Variants in ADAMTS4 observed in about 807,000 individuals in gnomAD.
ADAMTS4 encodes the protein ADAM metallopeptidase with thrombospondin type 1 motif 4, also known as A disintegrin and metalloproteinase with thrombospondin motifs 4.
A neutral mutation model predicts 66.7 loss-of-function variants in ADAMTS4; 38 were observed. That is an observed-to-expected ratio of 0.57 (90% CI 0.44 to 0.75). ADAMTS4 has a LOEUF of 0.75. Among genes scored for constraint, ADAMTS4 ranks in the 30% least tolerant of loss-of-function variants. ADAMTS4 has a pLI of 0.00. For synonymous variants in ADAMTS4, 418 were observed against 461.5 expected, an observed-to-expected ratio of 0.91 and a Z score of 1.21; for missense variants, 1,014 against 1,116.7, an observed-to-expected ratio of 0.91 and a Z score of 1.31.
In ADAMTS4 at chr1:161,193,354, G is replaced by T. The variant is rs143700956; in HGVS notation, c.1770C>A (p.Tyr590Ter). 6.2e-7 allele frequency: 1 copy of T among 1,614,006 alleles called. No individual in the cohort carries two copies. Among genetic ancestry groups the T allele is most frequent in the African/African-American group, 1.3e-5 (1 of 75,032 alleles). The change falls in exon 7 of 9, where the codon TAC becomes TAA. Residue 590 changes from tyrosine (Y) to a stop codon, truncating the protein, a stop_gained. Coordinates refer to ENST00000367996, the MANE Select transcript of ADAMTS4 (RefSeq NM_005099.6). LOFTEE classifies it high-confidence loss of function. The surrounding 1 kb of genome is among the most constrained non-coding windows in gnomAD (Gnocchi z 4.4). ...LTFREEQCAA[Y>*]NHRTDLFKSF... ...TCTTGAAGAGGTCGGTGCGGTGGTTGTAGGCAGCACACTGCTCCTCGCGGA... is the reference window on the plus strand; with the variant it reads ...TCTTGAAGAGGTCGGTGCGGTGGTTTTAGGCAGCACACTGCTCCTCGCGGA...
intron 1 of ADAMTS4, 134 bp from the exon 2 acceptor site, chr1:161,197,014 C>T: frequency 1.2e-6 from 1 of 846,666 alleles, no homozygotes; most frequent in Non-Finnish European, 1.8e-6. Context: ...CACGGGATTC[C>T]TGACTCCTGG....
chr1:161,199,004 CTCTG>C lies in ADAMTS4; in HGVS notation c.-381_-378del, dbSNP rs1665000045. The C allele has an allele frequency of 5.0e-6, 1 of 200,752 alleles. No homozygotes were observed. The highest frequency in any genetic ancestry group is 2.3e-5 in the African/African-American group (1 of 43,048). 12.4% of individuals were successfully genotyped at this position (200,752 alleles called of 1,614,324 possible). On this transcript the variant is annotated 5_prime_UTR_variant, in exon 1 of 9. It removes the in-frame stop codon of an upstream open reading frame in the 5' UTR. Coordinates refer to ENST00000367996, the MANE Select transcript of ADAMTS4 (RefSeq NM_005099.6). ...TGCCTTTGTCTCTGTCTCTTTCCTC[CTCTG>C]TCTCTCTCGTGCATATGTGTCTGTG...
At position 161,194,254 on chromosome 1, in the gene ADAMTS4, C is replaced by G. The variant is rs752608300; in HGVS notation, c.1262-33G>C. The stretch of plus-strand genomic sequence containing the variant: ...GGGGGTTGGGGCACAAAGTCAGCAA[C>G]GGGCTGAGGGGAGCATTCAGGATTG... On this transcript the variant is annotated intron_variant, in intron 4 of 8. Coordinates refer to ENST00000367996, the MANE Select transcript of ADAMTS4 (RefSeq NM_005099.6). The surrounding 1 kb of genome is among the most constrained non-coding windows in gnomAD (Gnocchi z 4.1). 5 of 1,594,386 alleles carry G rather than the reference C, an allele frequency of 3.1e-6. No homozygotes were observed. In the African/African-American group the frequency reaches 5.4e-5, roughly 17 times the overall value.
rs1558071757 is a variant in ADAMTS4 at position 161,188,910 on chromosome 1, T to TATATATATA, written c.*2227_*2228insTATATATAT. The TATATATATA allele has an allele frequency of 1.8e-5, 1 of 54,856 alleles. No individual in the cohort carries two copies. Among genetic ancestry groups the TATATATATA allele is most frequent in the African/African-American group, 6.5e-5 (1 of 15,336 alleles). The allele number at this position is 54,856 out of a possible 1,614,324, so 3.4% of individuals were successfully genotyped here. On this transcript the variant is annotated 3_prime_UTR_variant, in exon 9 of 9. Transcript: ENST00000367996. ...TATATATATATATATATATATATAT[T>TATATATATA]TTGTATTTTTAGTAGACACGGGGTT...
intron 7 of ADAMTS4, 54 bp from the exon 8 acceptor site, chr1:161,192,294 T>G: frequency 5.6e-4 from 875 of 1,561,258 alleles, no homozygotes; most frequent in Non-Finnish European, 7.1e-4. Flanking sequence ...CAAAAGGGGT[T>G]GGTAAATCAA....
chr1:161,193,389 C>T lies in ADAMTS4; in HGVS notation c.1736-1G>A. 1 of 1,612,842 alleles carries T rather than the reference C, an allele frequency of 6.2e-7. No individual in the cohort carries two copies. Among genetic ancestry groups the T allele is most frequent in the South Asian group, 1.1e-5 (1 of 91,048 alleles). On this transcript the variant is annotated splice_acceptor_variant, in intron 6 of 8. Transcript: ENST00000367996. LOFTEE classifies it high-confidence loss of function. The surrounding 1 kb of genome is among the most constrained non-coding windows in gnomAD (Gnocchi z 4.4). ...CACTGCTCCTCGCGGAAGGTCAGGG[C>T]TGGAGGGGTAAAACAGTCAGAGCCC...
Position 161,198,376 on chromosome 1 carries a change from G to A in ADAMTS4, c.252C>T (p.Arg84=). Residue 84 remains arginine, a synonymous_variant, in exon 1 of 9, where the codon CGC becomes CGT. Transcript: ENST00000367996. This position sits in a 1 kb window ranked among gnomAD's most constrained non-coding sequence, Gnocchi z 4.7. ...GSGAPARLLC[R]LQAFGETLLL... Reference sequence around the variant, plus strand: ...GCAGCGTCTCCCCAAAGGCCTGCAAGCGGCACAACAGCCTGGCAGGGGCGC... The same window carrying A: ...GCAGCGTCTCCCCAAAGGCCTGCAAACGGCACAACAGCCTGGCAGGGGCGC... 1 of 1,612,816 alleles carries A rather than the reference G, an allele frequency of 6.2e-7. No individual in the cohort carries two copies. The highest frequency in any genetic ancestry group is 8.5e-7 in the Non-Finnish European group (1 of 1,179,726).
chr1:161,192,079 GGAGCCTGAC>G lies in ADAMTS4; in HGVS notation c.2064_2072del (p.Gln688_Ser691delinsHis). 1 of 1,613,974 alleles carries G rather than the reference GGAGCCTGAC, an allele frequency of 6.2e-7. No homozygotes were observed. The highest frequency in any genetic ancestry group is 8.5e-7 in the Non-Finnish European group (1 of 1,179,982). On this transcript the variant is annotated inframe_deletion, in exon 8 of 9. Transcript: ENST00000367996. ...GGTGAAAGAACCTGAATTTCCTGAA[GGAGCCTGAC>G]TGCTTGCTGCAACCAGAACCGTCCC...
At chr1:161,196,060 C>T in intron 3 of ADAMTS4, 111 bp downstream of exon 3, 1 of 1,357,402 alleles carries the variant, frequency 7.4e-7, no homozygotes. Context: ...AGCCCTATAC[C>T]TAGGCCTGGG....
At position 161,191,576 on chromosome 1, in the gene ADAMTS4, G is replaced by C. The variant is rs1312610977; in HGVS notation, c.2088-12C>G. The C allele has an allele frequency of 1.3e-6, 2 of 1,593,576 alleles. No homozygotes were observed. The highest frequency in any genetic ancestry group is 2.7e-5 in the African/African-American group (2 of 74,688). ...TGTTGTATCCGTACCTGTGTGGAAG[G>C]AGTAGATGGGGAGCTCAGGATCACC... On this transcript the variant is annotated splice_polypyrimidine_tract_variant and intron_variant, in intron 8 of 8. Transcript: ENST00000367996.
chr1:161,195,913 C>G, intron 3 of ADAMTS4: 2 of 550,008 alleles, frequency 3.6e-6, no homozygotes, highest in Non-Finnish European at 6.2e-6. Context: ...CTCTGACTCC[C>G]CCTCCAAATA....
At chr1:161,192,289 G>T (rs1398421550) in intron 7 of ADAMTS4, 49 bp from the exon 8 acceptor site, 1 of 1,574,124 alleles carries the variant, frequency 6.4e-7, no homozygotes, top group East Asian at 2.3e-5. Flanking sequence ...TAAGTCAAAA[G>T]GGGTTGGTAA....
Position 161,190,590 on chromosome 1 carries a change from C to T in ADAMTS4, c.*548G>A, listed in dbSNP as rs1664643319. 1 of 151,342 alleles carries T rather than the reference C, an allele frequency of 6.6e-6. No homozygotes were observed. Among genetic ancestry groups the T allele is most frequent in the Admixed American group, 6.6e-5 (1 of 15,180 alleles). 9.4% of individuals were successfully genotyped at this position (151,342 alleles called of 1,614,324 possible). ...CCCTGAAGGCCCACCCTACCCTTGA[C>T]TTTTCTTTTCCCAAAAAATAAAATT... On this transcript the variant is annotated 3_prime_UTR_variant, in exon 9 of 9. Coordinates refer to ENST00000367996, the MANE Select transcript of ADAMTS4 (RefSeq NM_005099.6).
Position 161,196,254 on chromosome 1 carries a change from C to G in ADAMTS4, c.1007G>C (p.Gly336Ala). ...GCTCCGAGCCGGGTCACAGACGGTG[C>G]CCACATCAGCCATACCCAGCGTGTC... ...TCDTLGMADV[G>A]TVCDPARSCA... The change falls in exon 3 of 9, where the codon GGC (glycine) becomes GCC (alanine). Residue 336 changes from glycine (G) to alanine (A), a missense_variant. Transcript: ENST00000367996. 3.7e-6 allele frequency: 6 copies of G among 1,613,698 alleles called. No individual in the cohort carries two copies. The highest frequency in any genetic ancestry group is 5.1e-6 in the Non-Finnish European group (6 of 1,179,830).
chr1:161,191,125 C>T lies in ADAMTS4; in HGVS notation c.*13G>A, dbSNP rs554591180. ...GGCCCCGGTGCCCAGAAAGGGCAGC[C>T]GGGATAGTGAGGTTATTTCCTGCCC... On this transcript the variant is annotated 3_prime_UTR_variant, in exon 9 of 9. Transcript: ENST00000367996. 3.5e-5 allele frequency: 53 copies of T among 1,527,070 alleles called. No homozygotes were observed. In the South Asian group the frequency reaches 5.7e-4, roughly 17 times the overall value. The allele number at this position is 1,527,070 out of a possible 1,614,324, so 94.6% of individuals were successfully genotyped here.
rs770962049 is a variant in ADAMTS4, at chr1:161,198,424, G to C, written c.204C>G (p.Asn68Lys). The C allele has an allele frequency of 6.3e-7, 1 of 1,596,952 alleles. No individual in the cohort carries two copies. Among genetic ancestry groups the C allele is most frequent in the Non-Finnish European group, 8.5e-7 (1 of 1,172,122 alleles). ...EEEIVFPEKLNGSVLPGSGAP... is the reference protein window; with the variant it reads ...EEEIVFPEKLKGSVLPGSGAP... ...CGCCCGAGCCAGGCAGGACGCTGCC[G>C]TTGAGCTTCTCTGGAAACACGATCT... Residue 68 changes from asparagine to lysine, a missense_variant, in exon 1 of 9, where the codon AAC becomes AAG. Transcript: ENST00000367996. The surrounding 1 kb of genome is among the most constrained non-coding windows in gnomAD (Gnocchi z 4.7).
chr1:161,193,607 C>T lies in ADAMTS4; in HGVS notation c.1735+33G>A, dbSNP rs750868491. 3 of 1,584,372 alleles carry T rather than the reference C, an allele frequency of 1.9e-6. No individual in the cohort carries two copies. ...ACAGTCCTTCCTGCTCTACTGTCCC[C>T]TCCCAAGGGCTCCCATCCCCCCTAC... is the stretch of plus-strand genomic sequence containing the variant. On this transcript the variant is annotated intron_variant, in intron 6 of 8. Transcript: ENST00000367996. This position sits in a 1 kb window ranked among gnomAD's most constrained non-coding sequence, Gnocchi z 4.4.
At position 161,198,459 on chromosome 1, in the gene ADAMTS4, G is replaced by C. The variant is rs1253306239; in HGVS notation, c.169C>G (p.Arg57Gly). 3.2e-6 allele frequency: 5 copies of C among 1,572,568 alleles called. No individual in the cohort carries two copies. The highest frequency in any genetic ancestry group is 1.4e-5 in the African/African-American group (1 of 73,854). Reference sequence around the variant, plus strand: ...TCTGGAAACACGATCTCCTCCTCCCGGGGGAGGGGGCTGGCCAGCCGGGCT... The same window carrying C: ...TCTGGAAACACGATCTCCTCCTCCCCGGGGAGGGGGCTGGCCAGCCGGGCT... ...PSARLASPLP[R>G]EEEIVFPEKL... The change falls in exon 1 of 9, where the codon CGG becomes GGG. Residue 57 changes from arginine (R) to glycine (G), a missense_variant. Arg to Gly is a moderately radical substitution (Grantham distance 125, BLOSUM62 -2). Coordinates refer to ENST00000367996, the MANE Select transcript of ADAMTS4 (RefSeq NM_005099.6). This position sits in a 1 kb window ranked among gnomAD's most constrained non-coding sequence, Gnocchi z 4.7.
Position 161,190,790 on chromosome 1 carries a change from T to C in ADAMTS4, c.*348A>G, listed in dbSNP as rs140502889. 5,993 of 213,148 alleles carry C rather than the reference T, an allele frequency of 0.028. 120 individuals carry two copies. The highest frequency in any genetic ancestry group is 0.043 in the Admixed American group (838 of 19,396). The allele number at this position is 213,148 out of a possible 1,614,324, so 13.2% of individuals were successfully genotyped here. A position where few individuals can be genotyped will look rare whatever the true frequency, so the allele number is the denominator to read the frequency against. On this transcript the variant is annotated 3_prime_UTR_variant, in exon 9 of 9. Transcript: ENST00000367996. The stretch of plus-strand genomic sequence containing the variant: ...TCAGGTTCCCCAGGACCCTAGTCCT[T>C]GTCCCCTTCCCTGGTGCTAAATAAA...
Sources: allele counts gnomAD v4.1 joint callset, GRCh38; gene constraint gnomAD v4.1.1; non-coding constraint Gnocchi (gnomAD v3.1); transcripts MANE v1.5; gene names NCBI Gene and HGNC (gene_info 2026-07-23, HGNC 2026-07-21).